Variants in RBM5 observed in about 807,000 individuals in gnomAD.
The protein encoded by RBM5 is RNA binding motif protein 5.
In RBM5, 15 loss-of-function variants were observed where a neutral mutation model predicts 124.6. The observed-to-expected ratio is 0.12, with a 90% CI of 0.08 to 0.19. RBM5 has a LOEUF of 0.19. Ranked by LOEUF, RBM5 falls within the 10% of genes least tolerant of loss-of-function variation. The pLI is 1.00. For synonymous variants in RBM5, 337 were observed against 361.2 expected (o/e 0.93, Z 0.76); for missense variants, 580 against 1,026.5 (o/e 0.57, Z 5.94).
intron 4 of RBM5, among the ~76,000 whole-genome samples, chr3:50,095,881 C>T (rs1280543625): frequency 6.6e-6 from 1 of 151,962 alleles, no homozygotes; most frequent in Non-Finnish European, 1.5e-5. Context: ...CAGCAGTGTG[C>T]CAGTATTTGT....
chr3:50,117,124 A>G lies in RBM5; in HGVS notation c.2145A>G (p.Pro715=), dbSNP rs779658297. ...AAAGACGGGAGAAGTACGGCATTCC[A>G]GAACCTCCAGAGCCCAAGCGCAAGA... ...AAERREKYGI[P]EPPEPKRKKQ... Residue 715 remains proline, a synonymous_variant, in exon 23 of 25, where the codon CCA becomes CCG. Transcript: ENST00000347869. The surrounding 1 kb of genome is among the most constrained non-coding windows in gnomAD (Gnocchi z 4.2). 9 of 1,614,204 alleles carry G rather than the reference A, an allele frequency of 5.6e-6. No individual in the cohort carries two copies. The Admixed American group carries it at 1.2e-4, about 21-fold the overall frequency.
chr3:50,107,031 C>G (rs764001459), intron 11 of RBM5, 167 bp downstream of exon 11: 1 of 713,966 alleles, frequency 1.4e-6, no homozygotes, highest in East Asian at 2.7e-5. Flanking sequence ...TTATTCCCTA[C>G]TGTCCTGTGT....
intron 6 of RBM5, chr3:50,101,934 A>G (rs936352717): frequency 3.3e-5 from 5 of 152,212 alleles, no homozygotes; most frequent in Non-Finnish European, 4.4e-5. Context: ...TTGCTTCTGT[A>G]TATCACAGTG....
At chr3:50,108,189 G>A in intron 13 of RBM5, 42 bp downstream of exon 13, 2 of 1,601,912 alleles carry the variant, frequency 1.2e-6, no homozygotes, top group Non-Finnish European at 1.7e-6. Flanking sequence ...GTCTTGCAGA[G>A]TGTGTCTGAG....
At chr3:50,106,916 C>T in intron 11 of RBM5, 52 bp downstream of exon 11, 2 of 1,404,418 alleles carry the variant, frequency 1.4e-6, no homozygotes, top group Non-Finnish European at 2.0e-6. Context: ...CACATTTGTA[C>T]AGTGTGCTAA....
Position 50,100,927 on chromosome 3 carries a change from T to G in RBM5, c.483+322T>G. ...CTATTATGTCCATTGAGAGTAAGCTTAGTATATCAAACTCTCCATTTGACA... is the reference window on the plus strand; with the variant it reads ...CTATTATGTCCATTGAGAGTAAGCTGAGTATATCAAACTCTCCATTTGACA... On this transcript the variant is annotated intron_variant, in intron 6 of 24. Coordinates refer to ENST00000347869, the MANE Select transcript of RBM5 (RefSeq NM_005778.4). The surrounding 1 kb of genome is among the most constrained non-coding windows in gnomAD (Gnocchi z 5.1). 4.5e-6 allele frequency: 1 copy of G among 220,558 alleles called. No homozygotes were observed. The highest frequency in any genetic ancestry group is 8.9e-6 in the Non-Finnish European group (1 of 112,900). The allele number at this position is 220,558 out of a possible 1,614,324, so 13.7% of individuals were successfully genotyped here. A position where few individuals can be genotyped will look rare whatever the true frequency, so the allele number is the denominator to read the frequency against.
intron 4 of RBM5, among the ~76,000 whole-genome samples, chr3:50,097,657 A>G (rs2090847231): frequency 6.6e-6 from 1 of 152,124 alleles, no homozygotes. Context: ...TTTTGGAAAA[A>G]GGAGTTGGTC....
rs1329187270 is a variant in RBM5, at chr3:50,109,669, C to T, written c.1259C>T (p.Ser420Phe). 13 of 1,613,748 alleles carry T rather than the reference C, an allele frequency of 8.1e-6. No individual in the cohort carries two copies. In the East Asian group the frequency reaches 2.9e-4, roughly 36 times the overall value. Residue 420 changes from serine to phenylalanine, a missense_variant, in exon 15 of 25, where the codon TCC becomes TTC. Physicochemically the swap from Ser to Phe is radical, Grantham distance 155 (BLOSUM62 -2). This residue lies in a region of RBM5 where 104 missense variants were observed against 128.7 expected (regional missense o/e 0.81). Transcript: ENST00000347869. ...AGTCCTCAGCTGTATAATCAAACCTCCAATCCACCTGGCTCTCCGGTAATC... is the reference window on the plus strand; with the variant it reads ...AGTCCTCAGCTGTATAATCAAACCTTCAATCCACCTGGCTCTCCGGTAATC... The part of the protein sequence containing the change: ...SQSPQLYNQT[S>F]NPPGSPTEEA...
At chr3:50,116,032 A>C in intron 22 of RBM5, 52 bp downstream of exon 22, 1 of 1,522,250 alleles carries the variant, frequency 6.6e-7, no homozygotes, top group African/African-American at 1.4e-5. Context: ...AATTGCCTTT[A>C]GCTTTTATTT....
At chr3:50,090,127 C>T (rs575153288) in intron 1 of RBM5, 10 of 273,108 alleles carry the variant, frequency 3.7e-5, no homozygotes, top group African/African-American at 2.2e-4. Flanking sequence ...CTGCTTGCTC[C>T]GTATTATGAT....
In RBM5 at chr3:50,100,644, G is replaced by A. The variant is rs773555300; in HGVS notation, c.483+39G>A. 1.3e-6 allele frequency: 2 copies of A among 1,509,778 alleles called. No individual in the cohort carries two copies. Among genetic ancestry groups the A allele is most frequent in the East Asian group, 2.3e-5 (1 of 44,348 alleles). The allele number at this position is 1,509,778 out of a possible 1,614,324, so 93.5% of individuals were successfully genotyped here. A position where few individuals can be genotyped will look rare whatever the true frequency, so the allele number is the denominator to read the frequency against. The stretch of plus-strand genomic sequence containing the variant: ...CCAAGTCTAGATATTCATGAAAATG[G>A]AACAAGTCTGTACAATTTTAAAAAA... On this transcript the variant is annotated intron_variant, in intron 6 of 24. Transcript: ENST00000347869. This position sits in a 1 kb window ranked among gnomAD's most constrained non-coding sequence, Gnocchi z 5.1.
chr3:50,110,940 G>C, intron 17 of RBM5, 170 bp downstream of exon 17: 1 of 590,414 alleles, frequency 1.7e-6, no homozygotes, highest in Non-Finnish European at 2.9e-6. Context: ...AGTTTTAATT[G>C]TAGGGTTAAA....
intron 2 of RBM5, among the ~76,000 whole-genome samples, chr3:50,091,130 A>AT (rs2090694305): frequency 6.6e-6 from 1 of 152,316 alleles, no homozygotes; most frequent in African/African-American, 2.4e-5. Context: ...GGTAGATCAC[A>AT]TTGACAGGCT....
intron 9 of RBM5, 76 bp from the exon 10 acceptor site, chr3:50,105,473 T>C: frequency 6.9e-7 from 1 of 1,443,218 alleles, no homozygotes; most frequent in Non-Finnish European, 9.6e-7. Context: ...TGTATGTACT[T>C]GACCCTATCT....
chr3:50,109,469 A>G (rs989204400), intron 14 of RBM5, 134 bp from the exon 15 acceptor site: 4 of 697,226 alleles, frequency 5.7e-6, no homozygotes, highest in Non-Finnish European at 7.8e-6. Flanking sequence ...ATTCCAGGGT[A>G]CTTAGTGGAA....
At chr3:50,115,743 T>C in intron 21 of RBM5, 136 bp downstream of exon 21, 1 of 1,239,224 alleles carries the variant, frequency 8.1e-7, no homozygotes, top group Non-Finnish European at 1.1e-6. Context: ...CCGATGACAG[T>C]GGACGGAGTC....
Position 50,114,002 on chromosome 3 carries a change from A to C in RBM5, c.1670A>C (p.Asn557Thr). The C allele has an allele frequency of 1.2e-6, 2 of 1,614,180 alleles. No individual in the cohort carries two copies. The highest frequency in any genetic ancestry group is 1.7e-6 in the Non-Finnish European group (2 of 1,180,024). The change falls in exon 19 of 25, where the codon AAC becomes ACC. Residue 557 changes from asparagine (N) to threonine (T), a missense_variant. Transcript: ENST00000347869. The part of the protein sequence containing the change: ...WAKSLNKQKE[N>T]FKNSFQPVNS... The stretch of plus-strand genomic sequence containing the variant: ...AAGAGTTTGAATAAGCAGAAAGAAA[A>C]CTTTAAAAATAGCTTTCAGCCTGTC...
intron 10 of RBM5, among the ~76,000 whole-genome samples, chr3:50,106,130 T>TTTTTTTTTTTA (rs1202054714): frequency 2.8e-5 from 3 of 105,470 alleles, no homozygotes; most frequent in African/African-American, 1.3e-4. Context: ...TTTTTTTTTT[T>TTTTTTTTTTTA]TTTTTTTTTT....
chr3:50,107,651 C>G (rs1265176549), intron 12 of RBM5, 82 bp downstream of exon 12: 2 of 589,616 alleles, frequency 3.4e-6, no homozygotes, highest in African/African-American at 2.1e-5. Flanking sequence ...GTGGTACTCG[C>G]AGTATGAGCT....
Sources: allele counts gnomAD v4.1 joint callset (sites outside exome capture counted in the v4.1 genomes callset), GRCh38; gene constraint gnomAD v4.1.1; regional missense constraint gnomAD v4.1.1; non-coding constraint Gnocchi (gnomAD v3.1); transcripts MANE v1.5; gene names NCBI Gene and HGNC (gene_info 2026-07-23, HGNC 2026-07-21).